PDE6G: variants seen among roughly 807,000 people sequenced by gnomAD.
PDE6G encodes rod cGMP 3',5'-cyclic phosphodiesterase subunit gamma.
Under a neutral mutation model 10.9 loss-of-function variants are expected in PDE6G, and 10 were observed. The observed-to-expected ratio is 0.91, with a 90% CI of 0.56 to 1.55. The LOEUF (loss-of-function observed/expected upper bound fraction) is 1.55. Ranked by LOEUF, PDE6G falls within the 40% of genes most tolerant of loss-of-function variation. The probability of loss-of-function intolerance (pLI) is 0.00; values close to 1 mark genes in which losing one functional copy is unlikely to be tolerated. For synonymous variants in PDE6G, 41 were observed against 42.8 expected (o/e 0.96, Z 0.16); for missense variants, 102 against 110.1 (o/e 0.93, Z 0.33).
chr17:81,657,910 A>C (rs973381146), upstream of PDE6G, among the ~76,000 whole-genome samples: 2 of 148,556 alleles, frequency 1.3e-5, no homozygotes, highest in Non-Finnish European at 3.0e-5. Flanking sequence ...TAAATAAATA[A>C]ATAAAAACCC....
intron 1 of PDE6G, among the ~76,000 whole-genome samples, chr17:81,662,765 G>A (rs535522986): frequency 4.6e-5 from 7 of 152,306 alleles, no homozygotes; most frequent in African/African-American, 1.2e-4. Context: ...TTACAGGGCC[G>A]AGGCAAGTGG....
intron 1 of PDE6G, 55 bp downstream of exon 1, chr17:81,656,438 G>T: frequency 2.7e-6 from 2 of 728,818 alleles, no homozygotes; most frequent in African/African-American, 1.7e-5. Context: ...GACCCCCACT[G>T]ACTCACTGGG....
Position 81,653,078 on chromosome 17 carries a change from G to T in PDE6G, c.146+82C>A. 1 of 1,523,094 alleles carries T rather than the reference G, an allele frequency of 6.6e-7. No individual in the cohort carries two copies. The highest frequency in any genetic ancestry group is 9.1e-7 in the Non-Finnish European group (1 of 1,098,162). The allele number at this position is 1,523,094 out of a possible 1,614,324, so 94.3% of individuals were successfully genotyped here. ...CACTCACCCAGTGAAGTGGCCCCAG[G>T]CTCTGCCCCGCCCTCCCCTTCCTGT... On this transcript the variant is annotated intron_variant, in intron 2 of 3. Transcript: ENST00000331056. This position sits in a 1 kb window ranked among gnomAD's most constrained non-coding sequence, Gnocchi z 5.2.
Position 81,651,699 on chromosome 17 carries a change from G to A in PDE6G, c.147-14C>T, listed in dbSNP as rs1224423170. 2 of 1,613,872 alleles carry A rather than the reference G, an allele frequency of 1.2e-6. No homozygotes were observed. Among genetic ancestry groups the A allele is most frequent in the Admixed American group, 1.7e-5 (1 of 60,014 alleles). ...TCGTCCCCAAACCTGCAAGGACAGA[G>A]CACTCAGGGACATGGCCGGGCCCAG... On this transcript the variant is annotated splice_polypyrimidine_tract_variant and intron_variant, in intron 2 of 3. Transcript: ENST00000331056. The surrounding 1 kb of genome is among the most constrained non-coding windows in gnomAD (Gnocchi z 4.8).
rs1343882769 is a variant in PDE6G at position 81,653,899 on chromosome 17, C to T, written c.-59-535G>A. Among the ~76,000 whole-genome samples, 2 of 152,190 alleles carry T rather than the reference C, an allele frequency of 1.3e-5. No individual in the cohort carries two copies. The highest frequency in any genetic ancestry group is 2.9e-5 in the Non-Finnish European group (2 of 68,026). On this transcript the variant is annotated intron_variant, in intron 1 of 3. Coordinates refer to ENST00000331056, the MANE Select transcript of PDE6G (RefSeq NM_002602.4). The surrounding 1 kb of genome is among the most constrained non-coding windows in gnomAD (Gnocchi z 5.2). ...TATCTCGGCTCACTGCAACCTCCGCCTCCCGGGTTCAAGTGATTCTCCTGC... is the reference window on the plus strand; with the variant it reads ...TATCTCGGCTCACTGCAACCTCCGCTTCCCGGGTTCAAGTGATTCTCCTGC...
chr17:81,653,250 C>A lies in PDE6G; in HGVS notation c.56G>T (p.Gly19Val). The change falls in exon 2 of 4, where the codon GGA (glycine) becomes GTA (valine). Residue 19 changes from glycine to valine, a missense_variant. Physicochemically the swap from Gly to Val is moderately radical, Grantham distance 109 (BLOSUM62 -3). Coordinates refer to ENST00000331056, the MANE Select transcript of PDE6G (RefSeq NM_002602.4). The surrounding 1 kb of genome is among the most constrained non-coding windows in gnomAD (Gnocchi z 5.2). ...EFRSATRVAG[G>V]PVTPRKGPPK... ...GGGCCCTTTCCTGGGGGTGACAGGT[C>A]CCCCGGCCACCCTGGTGGCTGACCG... The A allele has an allele frequency of 1.2e-6, 2 of 1,613,942 alleles. No homozygotes were observed. Among genetic ancestry groups the A allele is most frequent in the East Asian group, 2.2e-5 (1 of 44,860 alleles).
chr17:81,651,551 G>A lies in PDE6G; in HGVS notation c.187+94C>T, dbSNP rs769669512. 8.8e-6 allele frequency: 10 copies of A among 1,140,116 alleles called. No individual in the cohort carries two copies. The highest frequency in any genetic ancestry group is 1.3e-5 in the Non-Finnish European group (10 of 752,092). The allele number at this position is 1,140,116 out of a possible 1,614,324, so 70.6% of individuals were successfully genotyped here. ...TCCCTAAGTGAAAAGCAGGGGAGGT[G>A]GGGGCCGAGGTGGGCTGCAATGGGC... On this transcript the variant is annotated intron_variant, in intron 3 of 3. Transcript: ENST00000331056. This position sits in a 1 kb window ranked among gnomAD's most constrained non-coding sequence, Gnocchi z 4.8.
At chr17:81,662,356 C>A (rs1376592029) in intron 1 of PDE6G, among the ~76,000 whole-genome samples, 1 of 152,174 alleles carries the variant, frequency 6.6e-6, no homozygotes, top group African/African-American at 2.4e-5. Flanking sequence ...GGCATGGTGG[C>A]TCACACCTGT....
Position 81,653,120 on chromosome 17 carries a change from C to T in PDE6G, c.146+40G>A, listed in dbSNP as rs768048437. 2 of 1,612,736 alleles carry T rather than the reference C, an allele frequency of 1.2e-6. No individual in the cohort carries two copies. Among genetic ancestry groups the T allele is most frequent in the African/African-American group, 2.7e-5 (2 of 74,892 alleles). Reference sequence around the variant, plus strand: ...CCTTCCTGTGCAGCCTCAGGACCGCCTCCTCCCTTTCAGAGGCCCCATCCC... The same window carrying T: ...CCTTCCTGTGCAGCCTCAGGACCGCTTCCTCCCTTTCAGAGGCCCCATCCC... On this transcript the variant is annotated intron_variant, in intron 2 of 3. Transcript: ENST00000331056. This position sits in a 1 kb window ranked among gnomAD's most constrained non-coding sequence, Gnocchi z 5.2.
chr17:81,654,932 A>G (rs2036424109), intron 1 of PDE6G, among the ~76,000 whole-genome samples: 3 of 143,384 alleles, frequency 2.1e-5, no homozygotes, highest in African/African-American at 7.8e-5. Flanking sequence ...TTTTTTTTGT[A>G]TTTTTTAGTA....
intron 1 of PDE6G, among the ~76,000 whole-genome samples, chr17:81,661,858 CAAAA>C (rs33915100): frequency 2.9e-4 from 19 of 65,356 alleles, no homozygotes; most frequent in African/African-American, 3.3e-4. Context: ...GACTCTGTCT[CAAAA>C]AAAAAAAAAA....
chr17:81,657,643 G>C (rs1392695099), upstream of PDE6G, among the ~76,000 whole-genome samples: 1 of 152,118 alleles, frequency 6.6e-6, no homozygotes, highest in African/African-American at 2.4e-5. Flanking sequence ...CACTTTGGGA[G>C]GCTGAGGCAG....
Position 81,651,810 on chromosome 17 carries a change from A to G in PDE6G, c.147-125T>C, listed in dbSNP as rs1002845011. The G allele has an allele frequency of 3.0e-6, 3 of 998,618 alleles. No homozygotes were observed. The highest frequency in any genetic ancestry group is 3.1e-6 in the Non-Finnish European group (2 of 650,792). The allele number at this position is 998,618 out of a possible 1,614,324, so 61.9% of individuals were successfully genotyped here. On this transcript the variant is annotated intron_variant, in intron 2 of 3. Coordinates refer to ENST00000331056, the MANE Select transcript of PDE6G (RefSeq NM_002602.4). The surrounding 1 kb of genome is among the most constrained non-coding windows in gnomAD (Gnocchi z 4.8). ...TTGGCTGGGAGCCCAGTGGGCAGAGACCCGCCTCCTCCCCAACCTCCCAGG... is the reference window on the plus strand; with the variant it reads ...TTGGCTGGGAGCCCAGTGGGCAGAGGCCCGCCTCCTCCCCAACCTCCCAGG...
At chr17:81,659,600 AAAAT>A (rs552042627), upstream of PDE6G, among the ~76,000 whole-genome samples, 8 of 152,108 alleles carry the variant, frequency 5.3e-5, no homozygotes, top group Non-Finnish European at 8.8e-5. Context: ...CTTCATCTCA[AAAAT>A]AAATAAATAA....
upstream of PDE6G, among the ~76,000 whole-genome samples, chr17:81,659,862 G>A (rs148438600): frequency 6.5e-3 from 985 of 152,242 alleles, 6 homozygotes; most frequent in Middle Eastern, 0.017. Flanking sequence ...CAAGGTGGGC[G>A]GATCACCTGA....
At position 81,653,806 on chromosome 17, in the gene PDE6G, T is replaced by C; in HGVS notation, c.-59-442A>G. On this transcript the variant is annotated intron_variant, in intron 1 of 3. Coordinates refer to ENST00000331056, the MANE Select transcript of PDE6G (RefSeq NM_002602.4). The surrounding 1 kb of genome is among the most constrained non-coding windows in gnomAD (Gnocchi z 5.2). ...GGCATTTAACTGCTACTCTGGGTTT[T>C]TTTTTGTTTTGTTTTGTTTTTGAGA... 1 of 164,604 alleles carries C rather than the reference T, an allele frequency of 6.1e-6. No homozygotes were observed. Among genetic ancestry groups the C allele is most frequent in the Non-Finnish European group, 1.3e-5 (1 of 74,854 alleles). The allele number at this position is 164,604 out of a possible 1,614,324, so 10.2% of individuals were successfully genotyped here.
intron 1 of PDE6G, among the ~76,000 whole-genome samples, chr17:81,655,085 A>G (rs904714635): frequency 4.6e-5 from 7 of 151,990 alleles, no homozygotes; most frequent in African/African-American, 1.4e-4. Context: ...TGATGGGTTT[A>G]TTGCTTTCTG....
rs760677354 is a variant in PDE6G at position 81,651,692 on chromosome 17, G to A, written c.147-7C>T. 6.2e-7 allele frequency: 1 copy of A among 1,613,976 alleles called. No individual in the cohort carries two copies. The highest frequency in any genetic ancestry group is 1.1e-5 in the South Asian group (1 of 91,070). ...AGGGATGTCGTCCCCAAACCTGCAA[G>A]GACAGAGCACTCAGGGACATGGCCG... On this transcript the variant is annotated splice_region_variant and splice_polypyrimidine_tract_variant and intron_variant, in intron 2 of 3. Coordinates refer to ENST00000331056, the MANE Select transcript of PDE6G (RefSeq NM_002602.4). The surrounding 1 kb of genome is among the most constrained non-coding windows in gnomAD (Gnocchi z 4.8).
intron 1 of PDE6G, among the ~76,000 whole-genome samples, chr17:81,661,922 T>C (rs1249394008): frequency 6.7e-6 from 1 of 149,442 alleles, no homozygotes; most frequent in Non-Finnish European, 1.5e-5. Flanking sequence ...TCCTAGGTAC[T>C]CGGGAGGTTG....
Sources: gnomAD v4.1 joint callset for allele counts (sites outside exome capture counted in the v4.1 genomes callset) on GRCh38, gnomAD v4.1.1 for gene constraint, Gnocchi (gnomAD v3.1) non-coding constraint, MANE v1.5 for transcripts, NCBI Gene and HGNC (gene_info 2026-07-23, HGNC 2026-07-21) for gene names.